The following DSCAM variants were observed in gnomAD, a reference collection of about 807,000 sequenced individuals.
DSCAM encodes cell adhesion molecule DSCAM.
DSCAM carries 47 observed loss-of-function variants against 217.7 expected under a neutral mutation model. The ratio of observed to expected loss-of-function variants is 0.22; its 90% CI spans 0.17 to 0.28. The LOEUF is 0.28. DSCAM is among the 10% of genes least tolerant of loss of function. The pLI is 1.00. For missense variants in DSCAM, 2,080 were observed against 2,618.3 expected, an observed-to-expected ratio of 0.79 and a Z score of 4.49; for synonymous variants, 1,056 against 1,015.3, an observed-to-expected ratio of 1.04 and a Z score of -0.76.
rs999190235 is a variant in DSCAM at position 40,581,231 on chromosome 21, C to T, written c.508+111579G>A. Among the ~76,000 whole-genome samples, 9 of 152,114 alleles carry T rather than the reference C, an allele frequency of 5.9e-5. No individual in the cohort carries two copies. In the South Asian group the frequency reaches 8.3e-4, roughly 14 times the overall value. On this transcript the variant is annotated intron_variant, in intron 3 of 32. Transcript: ENST00000400454. Reference sequence around the variant, plus strand: ...ATGCGCTGCAGCCTCAAGGAGGTGGCGGGAAACCTAGTTTTAGTCCCCACC... The same window carrying T: ...ATGCGCTGCAGCCTCAAGGAGGTGGTGGGAAACCTAGTTTTAGTCCCCACC...
intron 9 of DSCAM, among the ~76,000 whole-genome samples, chr21:40,303,227 C>T (rs745957394): frequency 1.4e-4 from 22 of 152,094 alleles, no homozygotes; most frequent in Non-Finnish European, 2.8e-4. Flanking sequence ...ATGGCCTGGC[C>T]TCTGCTTATA....
At chr21:40,645,821 A>G (rs1270711818) in intron 3 of DSCAM, among the ~76,000 whole-genome samples, 1 of 152,356 alleles carries the variant, frequency 6.6e-6, no homozygotes, top group African/African-American at 2.4e-5. Flanking sequence ...GGAAAAATTG[A>G]GCAAAAAGTA....
intron 1 of DSCAM, among the ~76,000 whole-genome samples, chr21:40,772,998 T>G (rs1055452728): frequency 2.0e-5 from 3 of 152,350 alleles, no homozygotes; most frequent in African/African-American, 7.2e-5. Context: ...GGTCAAAGCA[T>G]TGGCCCTATT....
chr21:40,337,832 CT>C (rs557055063), intron 8 of DSCAM, among the ~76,000 whole-genome samples: 1 of 151,972 alleles, frequency 6.6e-6, no homozygotes, highest in Non-Finnish European at 1.5e-5. Context: ...TGATGTGCTC[CT>C]TTTTTTTCTG....
At chr21:40,017,490 C>T (rs565256264) in intron 32 of DSCAM, among the ~76,000 whole-genome samples, 44 of 152,232 alleles carry the variant, frequency 2.9e-4, no homozygotes, top group South Asian at 6.2e-4. Flanking sequence ...TCTAATTCAA[C>T]GTTGGCTTCC....
At chr21:40,653,122 C>A (rs578260784) in intron 3 of DSCAM, among the ~76,000 whole-genome samples, 1 of 152,298 alleles carries the variant, frequency 6.6e-6, no homozygotes, top group African/African-American at 2.4e-5. Flanking sequence ...TGCACTTTTT[C>A]CTTTGCTGAT....
At chr21:40,300,510 T>C (rs946976857) in intron 9 of DSCAM, among the ~76,000 whole-genome samples, 12 of 152,324 alleles carry the variant, frequency 7.9e-5, no homozygotes, top group Admixed American at 1.3e-4. Flanking sequence ...CCACACACTT[T>C]GCCAGGACAC....
intron 1 of DSCAM, among the ~76,000 whole-genome samples, chr21:40,828,179 G>C (rs757104297): frequency 6.6e-6 from 1 of 152,156 alleles, no homozygotes; most frequent in Non-Finnish European, 1.5e-5. Flanking sequence ...GAGGCGGGGG[G>C]ACTGTTTGAG....
intron 11 of DSCAM, among the ~76,000 whole-genome samples, chr21:40,257,834 A>T (rs950902496): frequency 6.6e-6 from 1 of 152,110 alleles, no homozygotes; most frequent in African/African-American, 2.4e-5. Flanking sequence ...CCATGGTGTG[A>T]TGACAATGAC....
intron 1 of DSCAM, among the ~76,000 whole-genome samples, chr21:40,764,695 CA>C (rs2091369551): frequency 1.3e-5 from 2 of 152,258 alleles, no homozygotes; most frequent in South Asian, 2.1e-4. Context: ...GACTTGGAAC[CA>C]ACCCAAATAC....
Position 40,757,598 on chromosome 21 carries a change from C to T in DSCAM, c.44-48827G>A, listed in dbSNP as rs73360463. On this transcript the variant is annotated intron_variant, in intron 1 of 32. Transcript: ENST00000400454. ...CTTCCTGGGACATGGGTCCACCACCCGAGTACTAGGCTAGGCTAGTCCACC... is the reference window on the plus strand; with the variant it reads ...CTTCCTGGGACATGGGTCCACCACCTGAGTACTAGGCTAGGCTAGTCCACC... Among the ~76,000 whole-genome samples, 575 of 152,294 alleles carry T rather than the reference C, an allele frequency of 3.8e-3. 2 individuals carry two copies. The highest frequency in any genetic ancestry group is 0.013 in the African/African-American group (526 of 41,558).
At chr21:40,139,595 C>T (rs1406861150) in intron 18 of DSCAM, among the ~76,000 whole-genome samples, 1 of 151,880 alleles carries the variant, frequency 6.6e-6, no homozygotes, top group African/African-American at 2.4e-5. Flanking sequence ...TCCAGCTTGA[C>T]TTTTCCTTAG....
chr21:40,543,718 T>C (rs1232111314), intron 3 of DSCAM, among the ~76,000 whole-genome samples: 3 of 152,136 alleles, frequency 2.0e-5, no homozygotes, highest in Admixed American at 1.3e-4. Flanking sequence ...ATCAAATTAG[T>C]ACTTCTCATG....
intron 3 of DSCAM, among the ~76,000 whole-genome samples, chr21:40,448,397 C>A (rs1038279807): frequency 3.3e-5 from 5 of 152,092 alleles, no homozygotes; most frequent in African/African-American, 7.2e-5. Flanking sequence ...GACATTTGGA[C>A]TCTAGGACTT....
intron 1 of DSCAM, among the ~76,000 whole-genome samples, chr21:40,827,182 AG>A (rs1323501847): frequency 6.6e-6 from 1 of 152,154 alleles, no homozygotes; most frequent in Non-Finnish European, 1.5e-5. Flanking sequence ...TGTTTCAGGA[AG>A]GGAAGTGTGA....
rs1180542234 is a variant in DSCAM, at chr21:40,464,920, T to C, written c.509-95675A>G. Among the ~76,000 whole-genome samples, 3 of 152,184 alleles carry C rather than the reference T, an allele frequency of 2.0e-5. No homozygotes were observed. In the East Asian group the frequency reaches 5.8e-4, roughly 29 times the overall value. On this transcript the variant is annotated intron_variant, in intron 3 of 32. Transcript: ENST00000400454. ...CATGCCCAGCTAATTTTTGTATTTTTAGTAGAGATGAGGTTTCACCACGTT... is the reference window on the plus strand; with the variant it reads ...CATGCCCAGCTAATTTTTGTATTTTCAGTAGAGATGAGGTTTCACCACGTT...
rs979875348 is a variant in DSCAM, at chr21:40,016,386, A to G, written c.5687-3000T>C. ...TGTATAGGGGAAAGATCGTACTTTG[A>G]TGACAAAAGATGAAGGGTTTAGTTT... On this transcript the variant is annotated intron_variant, in intron 32 of 32. Coordinates refer to ENST00000400454, the MANE Select transcript of DSCAM (RefSeq NM_001389.5). This position sits in a 1 kb window ranked among gnomAD's most constrained non-coding sequence, Gnocchi z 4.3. Among the ~76,000 whole-genome samples, 1 of 152,164 alleles carries G rather than the reference A, an allele frequency of 6.6e-6. No homozygotes were observed. The highest frequency in any genetic ancestry group is 2.4e-5 in the African/African-American group (1 of 41,444).
At chr21:40,340,613 G>A (rs751899057) in intron 6 of DSCAM, among the ~76,000 whole-genome samples, 4 of 152,090 alleles carry the variant, frequency 2.6e-5, no homozygotes, top group Non-Finnish European at 5.9e-5. Context: ...CTTGCTGGAG[G>A]GGACATCTTT....
chr21:40,530,920 A>ACCATCCAT (rs749257248), intron 3 of DSCAM, among the ~76,000 whole-genome samples: 91 of 88,544 alleles, frequency 1.0e-3, no homozygotes, highest in Admixed American at 3.7e-3. Flanking sequence ...CATCCATTCA[A>ACCATCCAT]CCATCCATCC....
Sources: gnomAD v4.1 joint callset for allele counts (sites outside exome capture counted in the v4.1 genomes callset) on GRCh38, gnomAD v4.1.1 for gene constraint, Gnocchi (gnomAD v3.1) non-coding constraint, MANE v1.5 for transcripts, NCBI Gene and HGNC (gene_info 2026-07-23, HGNC 2026-07-21) for gene names.